IST1: variants seen among roughly 807,000 people sequenced by gnomAD.
IST1 encodes the protein IST1 homolog.
Under a neutral mutation model 37.0 loss-of-function variants are expected in IST1, and 23 were observed. That is an observed-to-expected ratio of 0.62 (90% CI 0.45 to 0.88). IST1 has a LOEUF of 0.88. IST1 is among the 40% of genes least tolerant of loss of function. The pLI is 0.00. For missense variants in IST1, 488 were observed against 445.4 expected (o/e 1.10, Z -0.86); for synonymous variants, 180 against 161.7 (o/e 1.11, Z -0.86).
chr16:71,910,124 G>A (rs2142550794), intron 1 of IST1, among the ~76,000 whole-genome samples: 1 of 152,294 alleles, frequency 6.6e-6, no homozygotes, highest in East Asian at 1.9e-4. Context: ...TTGGTCAAGT[G>A]TGGTCTAAAA....
At chr16:71,910,094 T>C (rs28539250) in intron 1 of IST1, among the ~76,000 whole-genome samples, 8,403 of 152,250 alleles carry the variant, frequency 0.055, 800 homozygotes, top group African/African-American at 0.19. Flanking sequence ...ATGTTTTCAT[T>C]GTCTGGGGTT....
rs1179559352 is a variant in IST1 at position 71,927,882 on chromosome 16, A to G, written c.*69A>G. 4.6e-6 allele frequency: 5 copies of G among 1,094,244 alleles called. No individual in the cohort carries two copies. The highest frequency in any genetic ancestry group is 6.9e-6 in the Non-Finnish European group (5 of 722,532). 67.8% of individuals were successfully genotyped at this position (1,094,244 alleles called of 1,614,324 possible). On this transcript the variant is annotated 3_prime_UTR_variant, in exon 10 of 10. Coordinates refer to ENST00000378799, the MANE Select transcript of IST1 (RefSeq NM_001270975.2). ...GAGCAATTTCTCCTTGTAACAAAGA[A>G]TCTCCATGAAATTCTGTTTCATCTG...
At chr16:71,915,976 G>T (rs2037458240) in intron 2 of IST1, among the ~76,000 whole-genome samples, 1 of 152,026 alleles carries the variant, frequency 6.6e-6, no homozygotes. Context: ...GATTACAGGT[G>T]TGTGCCACCA....
At chr16:71,898,283 A>G (rs1250378339) in intron 1 of IST1, among the ~76,000 whole-genome samples, 2 of 147,708 alleles carry the variant, frequency 1.4e-5, no homozygotes, top group African/African-American at 2.5e-5. Context: ...AGGCCAAGGC[A>G]GGGGAATCAT....
chr16:71,915,678 T>A lies in IST1; in HGVS notation c.38T>A (p.Val13Glu), dbSNP rs2037451354. The A allele has an allele frequency of 1.9e-6, 3 of 1,613,220 alleles. No individual in the cohort carries two copies. The highest frequency in any genetic ancestry group is 2.5e-6 in the Non-Finnish European group (3 of 1,179,784). ...GGATTTAAAGCTGAGCGCTTAAGAG[T>A]GAATTTGAGATTAGTCATAAATCGC... ...GSGFKAERLR[V>E]NLRLVINRLK... The change falls in exon 2 of 10, where the codon GTG becomes GAG. Residue 13 changes from valine to glutamate, a missense_variant. Physicochemically the swap from Val to Glu is moderately radical, Grantham distance 121. This residue lies in a region of IST1 where 33 missense variants were observed against 59.3 expected (regional missense o/e 0.56). Coordinates refer to ENST00000378799, the MANE Select transcript of IST1 (RefSeq NM_001270975.2).
Position 71,927,959 on chromosome 16 carries a change from A to C in IST1, c.*146A>C, listed in dbSNP as rs1016876815. 11 of 635,652 alleles carry C rather than the reference A, an allele frequency of 1.7e-5. No individual in the cohort carries two copies. Among genetic ancestry groups the C allele is most frequent in the Non-Finnish European group, 2.8e-5 (10 of 360,510 alleles). 39.4% of individuals were successfully genotyped at this position (635,652 alleles called of 1,614,324 possible). On this transcript the variant is annotated 3_prime_UTR_variant, in exon 10 of 10. Coordinates refer to ENST00000378799, the MANE Select transcript of IST1 (RefSeq NM_001270975.2). ...CTCTGGGCTCTCTTCCTGCTCCTCC[A>C]GATTCTGCTGCTTTCCAGTTCTCTG...
In IST1 at chr16:71,922,626, C is replaced by CATGCCT. The variant is rs770521492; in HGVS notation, c.711_716dup (p.Met238_Pro239dup). 37 of 1,580,970 alleles carry CATGCCT rather than the reference C, an allele frequency of 2.3e-5. No individual in the cohort carries two copies. Among genetic ancestry groups the CATGCCT allele is most frequent in the Middle Eastern group, 3.4e-4 (2 of 5,932 alleles). On this transcript the variant is annotated inframe_insertion, in exon 7 of 10. Coordinates refer to ENST00000378799, the MANE Select transcript of IST1 (RefSeq NM_001270975.2). ...CGGTGCCAATGCCCATGCCCATGCC[C>CATGCCT]ATGCCTATGCCATCTGCAAATACGC...
At chr16:71,924,322 A>G (rs541884889) in intron 8 of IST1, 10 of 392,784 alleles carry the variant, frequency 2.5e-5, no homozygotes, top group African/African-American at 2.1e-4. Context: ...TAAGAGTTCA[A>G]CATGGGGCTG....
Position 71,915,746 on chromosome 16 carries a change from T to C in IST1, c.88+18T>C. 1 of 1,530,074 alleles carries C rather than the reference T, an allele frequency of 6.5e-7. No homozygotes were observed. 94.8% of individuals were successfully genotyped at this position (1,530,074 alleles called of 1,614,324 possible). On this transcript the variant is annotated intron_variant, in intron 2 of 9. Coordinates refer to ENST00000378799, the MANE Select transcript of IST1 (RefSeq NM_001270975.2). ...AAAGAAAAGTGAGTAGTGTACTTTTTTTCCCCAAAAATAAATCACTGGATA... is the reference window on the plus strand; with the variant it reads ...AAAGAAAAGTGAGTAGTGTACTTTTCTTCCCCAAAAATAAATCACTGGATA...
chr16:71,925,011 A>AT (rs539063040), intron 9 of IST1, among the ~76,000 whole-genome samples, 194 bp downstream of exon 9: 10,249 of 132,314 alleles, frequency 0.077, 1,125 homozygotes, highest in African/African-American at 0.24. Flanking sequence ...TAGCTCAGTG[A>AT]TTTTTTTTTT....
chr16:71,915,510 T>TAGGA (rs1346391581), intron 1 of IST1, 116 bp from the exon 2 acceptor site: 1 of 644,414 alleles, frequency 1.6e-6, no homozygotes, highest in Non-Finnish European at 2.7e-6. Flanking sequence ...GATCATGTCA[T>TAGGA]TTTCCTGTAT....
At chr16:71,921,582 A>AT in intron 6 of IST1, 129 bp downstream of exon 6, 1 of 609,978 alleles carries the variant, frequency 1.6e-6, no homozygotes, top group Non-Finnish European at 2.9e-6. Flanking sequence ...TAGTACCTTT[A>AT]TGACAATAAA....
At chr16:71,926,906 A>C (rs1331069110) in intron 9 of IST1, among the ~76,000 whole-genome samples, 1 of 152,148 alleles carries the variant, frequency 6.6e-6, no homozygotes, top group Admixed American at 6.5e-5. Context: ...TATTATAACA[A>C]AATAACTTGG....
chr16:71,911,210 C>T (rs2037346298), intron 1 of IST1, among the ~76,000 whole-genome samples: 1 of 152,134 alleles, frequency 6.6e-6, no homozygotes, highest in African/African-American at 2.4e-5. Flanking sequence ...CACTGCACTC[C>T]AGCCTGGGTG....
At chr16:71,925,503 A>C (rs2142605291) in intron 9 of IST1, among the ~76,000 whole-genome samples, 1 of 150,688 alleles carries the variant, frequency 6.6e-6, no homozygotes, top group South Asian at 2.1e-4. Context: ...TTTAGTAGAG[A>C]CAGGGTTTCA....
chr16:71,909,723 A>T (rs1055632629), intron 1 of IST1, among the ~76,000 whole-genome samples: 3 of 152,244 alleles, frequency 2.0e-5, no homozygotes, highest in African/African-American at 7.2e-5. Context: ...AGGATTATAC[A>T]AAATAGTAAA....
At position 71,915,674 on chromosome 16, in the gene IST1, A is replaced by G; in HGVS notation, c.34A>G (p.Arg12Gly). The change falls in exon 2 of 10, where the codon AGA (arginine) becomes GGA (glycine). Residue 12 changes from arginine (R) to glycine (G), a missense_variant. Physicochemically the swap from Arg to Gly is moderately radical, Grantham distance 125 (BLOSUM62 -2). Coordinates refer to ENST00000378799, the MANE Select transcript of IST1 (RefSeq NM_001270975.2). ...LGSGFKAERL[R>G]VNLRLVINRL... ...CTCTGGATTTAAAGCTGAGCGCTTA[A>G]GAGTGAATTTGAGATTAGTCATAAA... The G allele has an allele frequency of 6.2e-7, 1 of 1,613,574 alleles. No homozygotes were observed. Among genetic ancestry groups the G allele is most frequent in the Non-Finnish European group, 8.5e-7 (1 of 1,179,864 alleles).
intron 1 of IST1, among the ~76,000 whole-genome samples, chr16:71,899,208 G>A (rs1174346609): frequency 4.6e-5 from 7 of 152,002 alleles, no homozygotes; most frequent in African/African-American, 1.7e-4. Flanking sequence ...TTCAGTCTTA[G>A]TTTGACCAGT....
chr16:71,894,892 G>A (rs1045117464), upstream of IST1: 11 of 1,408,424 alleles, frequency 7.8e-6, no homozygotes, highest in Non-Finnish European at 9.7e-6. Flanking sequence ...TGAATACCGA[G>A]ATAAATTAGG....
Sources: allele counts gnomAD v4.1 joint callset (sites outside exome capture counted in the v4.1 genomes callset), GRCh38; gene constraint gnomAD v4.1.1; regional missense constraint gnomAD v4.1.1; transcripts MANE v1.5; gene names NCBI Gene and HGNC (gene_info 2026-07-23, HGNC 2026-07-21).